RFC1: variants seen among roughly 807,000 people sequenced by gnomAD.
RFC1 encodes the protein replication factor C subunit 1.
In RFC1, 37 loss-of-function variants were observed where a neutral mutation model predicts 137.4. The observed-to-expected ratio is 0.27, with a 90% CI of 0.21 to 0.35. The LOEUF (loss-of-function observed/expected upper bound fraction) is 0.35. Ranked by LOEUF, RFC1 falls within the 10% of genes least tolerant of loss-of-function variation. The pLI is 1.00. For synonymous variants in RFC1, 429 were observed against 455.7 expected, an observed-to-expected ratio of 0.94 and a Z score of 0.75; for missense variants, 1,205 against 1,358.5, an observed-to-expected ratio of 0.89 and a Z score of 1.78.
At chr4:39,329,670 A>C (rs1184732953) in intron 4 of RFC1, among the ~76,000 whole-genome samples, 1 of 152,076 alleles carries the variant, frequency 6.6e-6, no homozygotes, top group Non-Finnish European at 1.5e-5. Flanking sequence ...GAGCCCAAGA[A>C]ATGGAGGCTG....
intron 7 of RFC1, 63 bp from the exon 8 acceptor site, chr4:39,321,437 G>T (rs1336573343): frequency 2.0e-5 from 30 of 1,487,404 alleles, no homozygotes; most frequent in Non-Finnish European, 2.6e-5. Flanking sequence ...CATAAAATCT[G>T]TTGTTAAAAT....
chr4:39,320,245 AGG>A, intron 9 of RFC1, 136 bp downstream of exon 9: 1 of 648,746 alleles, frequency 1.5e-6, no homozygotes, highest in South Asian at 2.5e-5. Context: ...GCTACTTGGG[AGG>A]CTGAGGCAGG....
At chr4:39,324,460 A>G (rs1739663153) in intron 6 of RFC1, among the ~76,000 whole-genome samples, 1 of 152,240 alleles carries the variant, frequency 6.6e-6, no homozygotes, top group African/African-American at 2.4e-5. Flanking sequence ...CCTAAAAATT[A>G]CTTCCTAGTT....
At chr4:39,362,291 T>G (rs1396470362) in intron 1 of RFC1, among the ~76,000 whole-genome samples, 2 of 152,336 alleles carry the variant, frequency 1.3e-5, no homozygotes, top group African/African-American at 2.4e-5. Flanking sequence ...GTGGCATCTT[T>G]GCTGATTCTA....
At chr4:39,294,431 G>A (rs1048377841) in intron 22 of RFC1, among the ~76,000 whole-genome samples, 1 of 152,148 alleles carries the variant, frequency 6.6e-6, no homozygotes, top group African/African-American at 2.4e-5. Context: ...CAGCACTTTC[G>A]GAGGCCAAGG....
At chr4:39,293,493 A>G (rs181871932) in intron 22 of RFC1, among the ~76,000 whole-genome samples, 67 of 152,364 alleles carry the variant, frequency 4.4e-4, no homozygotes, top group African/African-American at 1.3e-3. Flanking sequence ...TTACAAACCA[A>G]TAAGATCACT....
intron 4 of RFC1, among the ~76,000 whole-genome samples, chr4:39,336,491 T>C (rs1740359992): frequency 6.6e-6 from 1 of 152,194 alleles, no homozygotes; most frequent in Non-Finnish European, 1.5e-5. Flanking sequence ...GACTAGTAGG[T>C]GAAATGAATA....
chr4:39,342,729 G>C (rs2109732670), intron 3 of RFC1, among the ~76,000 whole-genome samples: 1 of 152,296 alleles, frequency 6.6e-6, no homozygotes, highest in African/African-American at 2.4e-5. Context: ...AGGTTAGATA[G>C]ATGGCAAATA....
At chr4:39,329,007 T>C (rs1473434126) in intron 4 of RFC1, among the ~76,000 whole-genome samples, 2 of 151,460 alleles carry the variant, frequency 1.3e-5, no homozygotes, top group Non-Finnish European at 1.5e-5. Flanking sequence ...CTAAAAAGTT[T>C]CCACAAAACA....
At chr4:39,316,062 C>A (rs561792723) in intron 10 of RFC1, among the ~76,000 whole-genome samples, 1 of 152,224 alleles carries the variant, frequency 6.6e-6, no homozygotes, top group South Asian at 2.1e-4. Context: ...GAAACCCCAT[C>A]TCTACTAAAA....
chr4:39,309,308 AC>A (rs1738850231), intron 12 of RFC1, among the ~76,000 whole-genome samples: 1 of 152,252 alleles, frequency 6.6e-6, no homozygotes, highest in African/African-American at 2.4e-5. Context: ...TTTGAAAAAA[AC>A]AAGGTACAGT....
chr4:39,302,926 C>T (rs777244858), intron 16 of RFC1, 52 bp from the exon 17 acceptor site: 106 of 1,536,982 alleles, frequency 6.9e-5, no homozygotes, highest in Non-Finnish European at 8.5e-5. Flanking sequence ...ATGACAAATA[C>T]CACACAAGCT....
At chr4:39,296,109 A>C (rs1274385839) in intron 21 of RFC1, among the ~76,000 whole-genome samples, 4 of 152,226 alleles carry the variant, frequency 2.6e-5, no homozygotes, top group African/African-American at 9.6e-5. Context: ...TCTTTAACAT[A>C]AATGACTGAC....
chr4:39,315,474 T>G (rs1053143519), intron 10 of RFC1, among the ~76,000 whole-genome samples: 6 of 152,250 alleles, frequency 3.9e-5, no homozygotes, highest in Non-Finnish European at 8.8e-5. Context: ...AATCCCTTCA[T>G]GCCAAGAATG....
chr4:39,365,803 A>G (rs987788205), intron 1 of RFC1, among the ~76,000 whole-genome samples: 1 of 152,218 alleles, frequency 6.6e-6, no homozygotes, highest in African/African-American at 2.4e-5. Context: ...CCTACACAAC[A>G]TATTCCCTAA....
At chr4:39,313,509 G>A (rs758385052) in intron 10 of RFC1, among the ~76,000 whole-genome samples, 21 of 152,252 alleles carry the variant, frequency 1.4e-4, no homozygotes, top group Non-Finnish European at 2.4e-4. Flanking sequence ...ATCCCTGCCC[G>A]CAAGAGCTAA....
chr4:39,321,977 T>C (rs1373544078), intron 7 of RFC1: 1 of 152,204 alleles, frequency 6.6e-6, no homozygotes, highest in African/African-American at 2.4e-5. Context: ...GCTCCTGATG[T>C]ATCTAGGTTT....
chr4:39,316,233 A>G (rs1327104006), intron 10 of RFC1, among the ~76,000 whole-genome samples: 1 of 152,226 alleles, frequency 6.6e-6, no homozygotes, highest in Non-Finnish European at 1.5e-5. Flanking sequence ...CTCCATTTCA[A>G]AAACACAAAA....
intron 2 of RFC1, among the ~76,000 whole-genome samples, chr4:39,349,345 C>T (rs1403889801): frequency 6.6e-6 from 1 of 152,140 alleles, no homozygotes; most frequent in Non-Finnish European, 1.5e-5. Flanking sequence ...AACCTCTAAA[C>T]AAGTAATTAA....
Sources: allele counts gnomAD v4.1 joint callset (sites outside exome capture counted in the v4.1 genomes callset), GRCh38; gene constraint gnomAD v4.1.1; transcripts MANE v1.5; gene names NCBI Gene and HGNC (gene_info 2026-07-23, HGNC 2026-07-21).